The following AUTS2 variants were observed in gnomAD, a reference collection of about 807,000 sequenced individuals.
AUTS2 encodes the protein activator of transcription and developmental regulator AUTS2.
AUTS2 carries 17 observed loss-of-function variants against 112.4 expected under a neutral mutation model. The ratio of observed to expected loss-of-function variants is 0.15; its 90% CI spans 0.10 to 0.23. The LOEUF is 0.23. AUTS2 is among the 10% of genes least tolerant of loss of function. The pLI, the probability that AUTS2 is intolerant of heterozygous loss-of-function variation, is 1.00. For missense variants in AUTS2, 1,510 were observed against 1,701.6 expected, an observed-to-expected ratio of 0.89 and a Z score of 1.98; for synonymous variants, 751 against 702.7, an observed-to-expected ratio of 1.07 and a Z score of -1.09.
intron 1 of AUTS2, among the ~76,000 whole-genome samples, chr7:69,883,613 T>C (rs1398709871): frequency 6.6e-6 from 1 of 152,148 alleles, no homozygotes; most frequent in African/African-American, 2.4e-5. Context: ...GGCAACAAGA[T>C]AGAAACTGGA....
intron 1 of AUTS2, among the ~76,000 whole-genome samples, chr7:69,897,821 C>T (rs1794816182): frequency 6.6e-6 from 1 of 151,982 alleles, no homozygotes; most frequent in African/African-American, 2.4e-5. Flanking sequence ...AGGTCTCAGA[C>T]TAATAGGAAT....
chr7:70,458,265 C>G (rs1796825004), intron 5 of AUTS2, among the ~76,000 whole-genome samples: 1 of 152,188 alleles, frequency 6.6e-6, no homozygotes, highest in Admixed American at 6.5e-5. Context: ...TGCTAAACTT[C>G]TATATTACAC....
At chr7:69,864,837 GA>G (rs1793147101) in intron 1 of AUTS2, among the ~76,000 whole-genome samples, 1 of 152,130 alleles carries the variant, frequency 6.6e-6, no homozygotes, top group Non-Finnish European at 1.5e-5. Flanking sequence ...AGAATAAAAA[GA>G]GAATATTCCT....
At chr7:70,290,783 A>G in intron 4 of AUTS2, 1 of 563,918 alleles carries the variant, frequency 1.8e-6, no homozygotes, top group Non-Finnish European at 2.5e-6. Context: ...GATTTTTTAA[A>G]AGAGTGCTGC....
intron 5 of AUTS2, among the ~76,000 whole-genome samples, chr7:70,510,485 CCCAA>C (rs1799137334): frequency 6.6e-6 from 1 of 152,148 alleles, no homozygotes; most frequent in Admixed American, 6.5e-5. Flanking sequence ...GGCCCAGGTA[CCCAA>C]GGGGGATCCC....
At chr7:69,822,691 A>G (rs1791051645) in intron 1 of AUTS2, among the ~76,000 whole-genome samples, 1 of 152,244 alleles carries the variant, frequency 6.6e-6, no homozygotes, top group African/African-American at 2.4e-5. Flanking sequence ...AGCACAGGAC[A>G]GATAGAATCT....
chr7:70,462,151 C>T (rs1311241584), intron 5 of AUTS2, among the ~76,000 whole-genome samples: 1 of 152,054 alleles, frequency 6.6e-6, no homozygotes, highest in East Asian at 1.9e-4. Context: ...ACTCAGGAGG[C>T]TGAGGCGGGA....
intron 2 of AUTS2, among the ~76,000 whole-genome samples, chr7:69,919,814 A>T (rs1231803168): frequency 1.3e-5 from 2 of 152,330 alleles, no homozygotes; most frequent in African/African-American, 4.8e-5. Flanking sequence ...CTGGACTTTG[A>T]TAATATTAAT....
intron 1 of AUTS2, among the ~76,000 whole-genome samples, chr7:69,683,237 C>G (rs1006081140): frequency 1.3e-5 from 2 of 152,190 alleles, no homozygotes; most frequent in South Asian, 4.1e-4. Flanking sequence ...AGCTACCTGG[C>G]TGGTTGCCAT....
intron 1 of AUTS2, among the ~76,000 whole-genome samples, chr7:69,635,706 A>G (rs1794487618): frequency 6.6e-6 from 1 of 152,206 alleles, no homozygotes; most frequent in Non-Finnish European, 1.5e-5. Context: ...GGAAAGGAGG[A>G]GGAGACCTTA....
intron 1 of AUTS2, among the ~76,000 whole-genome samples, chr7:69,837,633 TTTGC>T: frequency 6.6e-6 from 1 of 152,272 alleles, no homozygotes; most frequent in Admixed American, 6.5e-5. Flanking sequence ...CATGTAGCAA[TTTGC>T]TATGTGTTCT....
intron 5 of AUTS2, among the ~76,000 whole-genome samples, chr7:70,483,485 C>A (rs1389405105): frequency 6.6e-6 from 1 of 152,142 alleles, no homozygotes; most frequent in Non-Finnish European, 1.5e-5. Context: ...CCCATTTGGT[C>A]CTGATTTTCG....
intron 1 of AUTS2, among the ~76,000 whole-genome samples, chr7:69,668,262 G>A (rs1322230769): frequency 6.6e-6 from 1 of 152,222 alleles, no homozygotes; most frequent in Non-Finnish European, 1.5e-5. Flanking sequence ...TGTAGGTAGT[G>A]TGGGTTCCAT....
chr7:70,574,594 A>T (rs532585590), intron 5 of AUTS2, among the ~76,000 whole-genome samples: 1 of 152,310 alleles, frequency 6.6e-6, no homozygotes, highest in South Asian at 2.1e-4. Flanking sequence ...TCAGTCAATC[A>T]GGAAAGAGTG....
At chr7:70,044,228 T>C (rs1204125372) in intron 2 of AUTS2, among the ~76,000 whole-genome samples, 2 of 152,182 alleles carry the variant, frequency 1.3e-5, no homozygotes, top group Admixed American at 6.5e-5. Flanking sequence ...GCCACAGCTC[T>C]CTGTAGAAGT....
intron 1 of AUTS2, among the ~76,000 whole-genome samples, chr7:69,735,152 GT>G (rs1159762118): frequency 6.6e-6 from 1 of 152,094 alleles, no homozygotes; most frequent in Non-Finnish European, 1.5e-5. Context: ...TAAACAGAGC[GT>G]TTTTTCATAA....
At chr7:70,192,843 G>A (rs1809974290) in intron 4 of AUTS2, among the ~76,000 whole-genome samples, 1 of 152,174 alleles carries the variant, frequency 6.6e-6, no homozygotes, top group Non-Finnish European at 1.5e-5. Flanking sequence ...CATTTAAGGA[G>A]CAAATGACAT....
At chr7:70,233,389 C>CATA (rs1409816633) in intron 4 of AUTS2, among the ~76,000 whole-genome samples, 2 of 152,102 alleles carry the variant, frequency 1.3e-5, no homozygotes, top group African/African-American at 2.4e-5. Flanking sequence ...GAACTGTATA[C>CATA]GTTTTTCCTA....
At chr7:70,588,158 C>T (rs1802769787) in intron 5 of AUTS2, among the ~76,000 whole-genome samples, 1 of 152,196 alleles carries the variant, frequency 6.6e-6, no homozygotes, top group Admixed American at 6.5e-5. Context: ...GTAGTGAGCA[C>T]ATCAGAAATC....
Sources: allele counts gnomAD v4.1 joint callset (sites outside exome capture counted in the v4.1 genomes callset), GRCh38; gene constraint gnomAD v4.1.1; transcripts MANE v1.5; gene names NCBI Gene and HGNC (gene_info 2026-07-23, HGNC 2026-07-21).